MAP3K13: variants seen among roughly 807,000 people sequenced by gnomAD.
MAP3K13 encodes mitogen-activated protein kinase kinase kinase 13, also known as leucine zipper-bearing kinase.
A neutral mutation model predicts 104.0 loss-of-function variants in MAP3K13; 52 were observed. The ratio of observed to expected loss-of-function variants is 0.50; its 90% CI spans 0.40 to 0.63. MAP3K13 has a LOEUF of 0.63. Ranked by LOEUF, MAP3K13 falls within the 20% of genes least tolerant of loss-of-function variation. The pLI is 0.00. For synonymous variants in MAP3K13, 394 were observed against 442.2 expected, an observed-to-expected ratio of 0.89 and a Z score of 1.37; for missense variants, 914 against 1,218.5, an observed-to-expected ratio of 0.75 and a Z score of 3.72.
intron 1 of MAP3K13, among the ~76,000 whole-genome samples, chr3:185,412,259 T>A (rs12488454): frequency 0.17 from 25,195 of 152,106 alleles, 2,185 homozygotes; most frequent in African/African-American, 0.23. Flanking sequence ...TCACAAATAG[T>A]TTATTATTTT....
At chr3:185,367,532 T>C (rs1461179432) in intron 1 of MAP3K13, among the ~76,000 whole-genome samples, 1 of 152,202 alleles carries the variant, frequency 6.6e-6, no homozygotes, top group Non-Finnish European at 1.5e-5. Flanking sequence ...GAGGGTATCA[T>C]TGGAAGTTAA....
At position 185,486,496 on chromosome 3, in the gene MAP3K13, GTA is replaced by G. The variant is rs1718724346; in HGVS notation, c.*4042_*4043del. The G allele has an allele frequency of 6.6e-6, 1 of 152,218 alleles. No homozygotes were observed. Among genetic ancestry groups the G allele is most frequent in the African/African-American group, 2.4e-5 (1 of 41,442 alleles). The allele number at this position is 152,218 out of a possible 1,614,324, so 9.4% of individuals were successfully genotyped here. On this transcript the variant is annotated 3_prime_UTR_variant, in exon 14 of 14. Transcript: ENST00000265026. Reference sequence around the variant, plus strand: ...ATAACCGGGAAAATCTTGAATTGATGTATGTTTCTTTGAGAACGACTCCACAG... The same window carrying G: ...ATAACCGGGAAAATCTTGAATTGATGTGTTTCTTTGAGAACGACTCCACAG...
chr3:185,323,050 A>AG (rs1221894629), intron 2 of MAP3K13, among the ~76,000 whole-genome samples: 1 of 152,038 alleles, frequency 6.6e-6, no homozygotes, highest in East Asian at 1.9e-4. Context: ...TTGGGAAAAA[A>AG]GTCTATCTAT....
intron 2 of MAP3K13, among the ~76,000 whole-genome samples, chr3:185,336,935 C>T (rs1442545188): frequency 1.3e-5 from 2 of 152,126 alleles, no homozygotes; most frequent in Non-Finnish European, 2.9e-5. Context: ...TGTCTCAGCT[C>T]CTCAACCTGG....
At chr3:185,419,157 C>T (rs1405658562) in intron 1 of MAP3K13, among the ~76,000 whole-genome samples, 1 of 151,916 alleles carries the variant, frequency 6.6e-6, no homozygotes, top group Non-Finnish European at 1.5e-5. Context: ...GCTGGGACTA[C>T]AGGTGTGCTA....
At chr3:185,356,538 T>C (rs1723357893) in intron 2 of MAP3K13, among the ~76,000 whole-genome samples, 3 of 152,214 alleles carry the variant, frequency 2.0e-5, no homozygotes, top group African/African-American at 7.2e-5. Flanking sequence ...TGCTTTCCTC[T>C]GCCCGATATA....
At chr3:185,362,835 A>T (rs1191587880), upstream of MAP3K13, among the ~76,000 whole-genome samples, 1 of 152,116 alleles carries the variant, frequency 6.6e-6, no homozygotes, top group Non-Finnish European at 1.5e-5. Context: ...GATTTCTTCT[A>T]TATGCATTTT....
intron 2 of MAP3K13, among the ~76,000 whole-genome samples, chr3:185,307,547 T>TCCCCCCCCCCCCCCCCCCCCCCCCAC (rs1560041671): frequency 9.1e-6 from 1 of 110,230 alleles, no homozygotes; most frequent in Admixed American, 1.0e-4. Flanking sequence ...CACCACCCCC[T>TCCCCCCCCCCCCCCCCCCCCCCCCAC]CCCCCGCCAC....
Position 185,418,785 on chromosome 3 carries a change from G to A in MAP3K13, c.-85-9712G>A. ...TTGGGCGAGCACACGCCATGGCGGA[G>A]AGAGGAGACAGCCACGCTCCTCTCA... is the stretch of plus-strand genomic sequence containing the variant. On this transcript the variant is annotated intron_variant, in intron 1 of 13. Transcript: ENST00000265026. This position sits in a 1 kb window ranked among gnomAD's most constrained non-coding sequence, Gnocchi z 4.5. 1 of 1,596,404 alleles carries A rather than the reference G, an allele frequency of 6.3e-7. No homozygotes were observed. Among genetic ancestry groups the A allele is most frequent in the Non-Finnish European group, 8.6e-7 (1 of 1,167,284 alleles).
chr3:185,466,333 C>A (rs1449313906), intron 9 of MAP3K13, among the ~76,000 whole-genome samples: 1 of 149,668 alleles, frequency 6.7e-6, no homozygotes, highest in African/African-American at 2.5e-5. Context: ...AGCTGAAGAG[C>A]AGAATGAAGT....
chr3:185,443,583 A>G lies in MAP3K13; in HGVS notation c.798A>G (p.Gly266=), dbSNP rs1715443775. The G allele has an allele frequency of 6.2e-7, 1 of 1,614,134 alleles. No homozygotes were observed. The highest frequency in any genetic ancestry group is 8.5e-7 in the Non-Finnish European group (1 of 1,179,976). ...LVDWSTGIAS[G]MNYLHLHKII... is the part of the protein sequence containing the mutation. ...ACTGGTCCACAGGAATTGCAAGTGG[A>G]ATGAATTATTTGCACCTCCATAAAA... The change falls in exon 4 of 14, where the codon GGA becomes GGG. Residue 266 remains glycine, a synonymous_variant. Transcript: ENST00000265026.
chr3:185,347,281 G>A (rs1003397623), intron 2 of MAP3K13, among the ~76,000 whole-genome samples: 3 of 152,112 alleles, frequency 2.0e-5, no homozygotes, highest in African/African-American at 7.2e-5. Context: ...CACTGCACCT[G>A]GCCGAGATTT....
At chr3:185,299,282 G>A (rs1031874279) in intron 2 of MAP3K13, among the ~76,000 whole-genome samples, 4 of 152,282 alleles carry the variant, frequency 2.6e-5, no homozygotes, top group Admixed American at 1.3e-4. Context: ...AGAAGGCACC[G>A]TAAAGGTAGG....
At chr3:185,407,562 A>G (rs1713183652) in intron 1 of MAP3K13, among the ~76,000 whole-genome samples, 2 of 152,240 alleles carry the variant, frequency 1.3e-5, no homozygotes, top group African/African-American at 2.4e-5. Context: ...CAGGAAAAGT[A>G]TCAGTGTCCA....
intron 2 of MAP3K13, among the ~76,000 whole-genome samples, chr3:185,433,006 G>A (rs139083835): frequency 1.5e-3 from 222 of 152,310 alleles, no homozygotes; most frequent in Non-Finnish European, 2.7e-3. Flanking sequence ...GCAGTCAACC[G>A]AAGGCTAACA....
intron 12 of MAP3K13, among the ~76,000 whole-genome samples, chr3:185,477,906 G>C (rs1718222044): frequency 6.6e-6 from 1 of 152,178 alleles, no homozygotes; most frequent in Admixed American, 6.5e-5. Flanking sequence ...ACATGGCAGA[G>C]AGAGCTCTTC....
Position 185,486,670 on chromosome 3 carries a change from G to A in MAP3K13, c.*4214G>A, listed in dbSNP as rs1057208217. The A allele has an allele frequency of 6.6e-6, 1 of 152,210 alleles. No homozygotes were observed. Among genetic ancestry groups the A allele is most frequent in the African/African-American group, 2.4e-5 (1 of 41,454 alleles). The allele number at this position is 152,210 out of a possible 1,614,324, so 9.4% of individuals were successfully genotyped here. A position where few individuals can be genotyped will look rare whatever the true frequency, so the allele number is the denominator to read the frequency against. On this transcript the variant is annotated 3_prime_UTR_variant, in exon 14 of 14. Transcript: ENST00000265026. ...TTGATGGAAAGTTTCACCATCTTGG[G>A]ATGAATGTCCATGTTCCGTTAGCGT...
rs1286673346 is a variant in MAP3K13, at chr3:185,418,052, C to A, written c.-85-10445C>A. 1.1e-5 allele frequency: 18 copies of A among 1,611,780 alleles called. No individual in the cohort carries two copies. The highest frequency in any genetic ancestry group is 7.7e-5 in the South Asian group (7 of 90,992). On this transcript the variant is annotated intron_variant, in intron 1 of 13. Coordinates refer to ENST00000265026, the MANE Select transcript of MAP3K13 (RefSeq NM_004721.5). This position sits in a 1 kb window ranked among gnomAD's most constrained non-coding sequence, Gnocchi z 4.5. ...ATGCAGAAACGTCCCACATGCCCAC[C>A]AGGAGCAAGCTTCAAAATGTTCAGC...
At chr3:185,454,419 G>A (rs796783721) in intron 7 of MAP3K13, among the ~76,000 whole-genome samples, 1,140 of 18,152 alleles carry the variant, frequency 0.063, 462 homozygotes, top group Non-Finnish European at 0.14. Context: ...TGAGATATAT[G>A]AGATATATAT....
Sources: allele counts gnomAD v4.1 joint callset (sites outside exome capture counted in the v4.1 genomes callset), GRCh38; gene constraint gnomAD v4.1.1; non-coding constraint Gnocchi (gnomAD v3.1); transcripts MANE v1.5; gene names NCBI Gene and HGNC (gene_info 2026-07-23, HGNC 2026-07-21).